The following DYNC1I1 variants were observed in gnomAD, a reference collection of about 807,000 sequenced individuals.
The protein encoded by DYNC1I1 is cytoplasmic dynein 1 intermediate chain 1.
Under a neutral mutation model 86.6 loss-of-function variants are expected in DYNC1I1, and 43 were observed. That is an observed-to-expected ratio of 0.50 (90% CI 0.39 to 0.64). The LOEUF (loss-of-function observed/expected upper bound fraction) is 0.64, where lower values mean the gene tolerates loss of function less well. Ranked by LOEUF, DYNC1I1 falls within the 30% of genes least tolerant of loss-of-function variation. The pLI is 0.00. For missense variants in DYNC1I1, 604 were observed against 788.8 expected, an observed-to-expected ratio of 0.77 and a Z score of 2.81; for synonymous variants, 262 against 283.7, an observed-to-expected ratio of 0.92 and a Z score of 0.77.
At chr7:96,080,841 G>A (rs1295183646) in intron 16 of DYNC1I1, among the ~76,000 whole-genome samples, 1 of 152,110 alleles carries the variant, frequency 6.6e-6, no homozygotes, top group Non-Finnish European at 1.5e-5. Context: ...GGAGGCCGTG[G>A]CAGGTGGATC....
chr7:95,905,217 C>A (rs1791143346), intron 6 of DYNC1I1, among the ~76,000 whole-genome samples: 1 of 141,368 alleles, frequency 7.1e-6, no homozygotes, highest in Non-Finnish European at 1.6e-5. Context: ...AGACAAGGTG[C>A]ATTTTGGCTT....
At chr7:96,050,085 A>C (rs1420492474) in intron 14 of DYNC1I1, among the ~76,000 whole-genome samples, 1 of 152,096 alleles carries the variant, frequency 6.6e-6, no homozygotes, top group African/African-American at 2.4e-5. Flanking sequence ...AAAAGATCAA[A>C]AGCAAACAAT....
At chr7:96,088,814 A>T (rs1790757828) in intron 16 of DYNC1I1, among the ~76,000 whole-genome samples, 1 of 152,182 alleles carries the variant, frequency 6.6e-6, no homozygotes, top group Non-Finnish European at 1.5e-5. Flanking sequence ...GAAGTGAATG[A>T]ATCATTATAT....
At chr7:96,102,667 G>A (rs149754090), downstream of DYNC1I1, among the ~76,000 whole-genome samples, 9 of 152,306 alleles carry the variant, frequency 5.9e-5, no homozygotes, top group African/African-American at 1.9e-4. Context: ...AGGTCAAACT[G>A]TAGTGCTAAG....
At chr7:95,950,901 T>C (rs911935177) in intron 6 of DYNC1I1, among the ~76,000 whole-genome samples, 1 of 152,210 alleles carries the variant, frequency 6.6e-6, no homozygotes, top group African/African-American at 2.4e-5. Context: ...CATTAGGGTA[T>C]GTGAGCAATT....
intron 16 of DYNC1I1, among the ~76,000 whole-genome samples, chr7:96,104,903 TA>T (rs1217155486): frequency 2.0e-5 from 3 of 152,174 alleles, no homozygotes; most frequent in Non-Finnish European, 4.4e-5. Context: ...GGAATTCTTT[TA>T]AAAAAACATA....
intron 7 of DYNC1I1, among the ~76,000 whole-genome samples, chr7:95,983,682 A>G: frequency 6.6e-6 from 1 of 152,168 alleles, no homozygotes; most frequent in East Asian, 1.9e-4. Flanking sequence ...GATAGTACCT[A>G]AAAGATTCTT....
rs887408012 is a variant in DYNC1I1, at chr7:95,922,779, C to T, written c.490+52781C>T. Among the ~76,000 whole-genome samples, 12 of 152,084 alleles carry T rather than the reference C, an allele frequency of 7.9e-5. No homozygotes were observed. The South Asian group carries it at 8.3e-4, about 11-fold the overall frequency. On this transcript the variant is annotated intron_variant, in intron 6 of 16. Transcript: ENST00000447467. Reference sequence around the variant, plus strand: ...AGGTTTTGAAAAAACTACTTAAATACTTTTAAAAGGTAGAACTATTTAATT... The same window carrying T: ...AGGTTTTGAAAAAACTACTTAAATATTTTTAAAAGGTAGAACTATTTAATT...
rs55666459 is a variant in DYNC1I1 at position 95,785,775 on chromosome 7, G to GTATGTATATA, written c.-10+13005_-10+13006insGTATATATAT. ...TGTATGTATATATATGTGTGTATGT[G>GTATGTATATA]TATATATATATATATATATATATAT... On this transcript the variant is annotated intron_variant, in intron 1 of 16. Coordinates refer to ENST00000447467, the MANE Select transcript of DYNC1I1 (RefSeq NM_001135556.2). Among the ~76,000 whole-genome samples the GTATGTATATA allele has an allele frequency of 4.3e-3, 539 of 124,512 alleles. 3 individuals carry two copies. The highest frequency in any genetic ancestry group is 6.5e-3 in the East Asian group (25 of 3,832). The allele number at this position is 124,512 out of a possible 152,430, so 81.7% of individuals were successfully genotyped here.
chr7:96,088,946 G>A lies in DYNC1I1; in HGVS notation c.1776+8458G>A, dbSNP rs1394416303. Among the ~76,000 whole-genome samples the A allele has an allele frequency of 2.0e-5, 3 of 152,060 alleles. No individual in the cohort carries two copies. The East Asian group carries it at 5.8e-4, about 29-fold the overall frequency. On this transcript the variant is annotated intron_variant, in intron 16 of 16. Transcript: ENST00000447467. ...TATCCAAACTGCTAACATTGTAAAA[G>A]CAATTTCATACTTTTAACCTAGTAG... is the stretch of plus-strand genomic sequence containing the variant.
intron 6 of DYNC1I1, among the ~76,000 whole-genome samples, chr7:95,945,428 T>G (rs1792371870): frequency 2.0e-5 from 3 of 152,196 alleles, no homozygotes; most frequent in Admixed American, 1.3e-4. Context: ...TCCTTCAGTT[T>G]AAATTTATAT....
chr7:96,109,761 T>G (rs773076235), intron 16 of DYNC1I1, among the ~76,000 whole-genome samples: 25 of 152,192 alleles, frequency 1.6e-4, no homozygotes, highest in Non-Finnish European at 2.9e-4. Flanking sequence ...ATGTATATAA[T>G]TCCAATCTTT....
chr7:96,029,438 A>G (rs544871052), intron 11 of DYNC1I1, among the ~76,000 whole-genome samples: 101 of 152,310 alleles, frequency 6.6e-4, no homozygotes, highest in African/African-American at 2.3e-3. Context: ...ATTTCTGAAC[A>G]TACCTTCTGA....
chr7:95,870,900 A>G (rs1790145647), intron 6 of DYNC1I1, among the ~76,000 whole-genome samples: 1 of 152,210 alleles, frequency 6.6e-6, no homozygotes, highest in African/African-American at 2.4e-5. Flanking sequence ...AGCAAAGCAA[A>G]TACTCTTTTT....
intron 6 of DYNC1I1, among the ~76,000 whole-genome samples, chr7:95,909,561 A>C (rs988720665): frequency 6.6e-6 from 1 of 152,140 alleles, no homozygotes; most frequent in Admixed American, 6.6e-5. Context: ...AGGAAGGAGG[A>C]AGAGAAGGAC....
intron 14 of DYNC1I1, among the ~76,000 whole-genome samples, chr7:96,063,183 G>A (rs540751706): frequency 1.3e-5 from 2 of 151,566 alleles, no homozygotes; most frequent in South Asian, 2.1e-4. Context: ...CAATGGAGGC[G>A]CAATATAGCT....
intron 1 of DYNC1I1, among the ~76,000 whole-genome samples, chr7:95,788,170 A>C (rs1277665662): frequency 6.6e-6 from 1 of 152,184 alleles, no homozygotes; most frequent in East Asian, 1.9e-4. Context: ...ATGCATTACT[A>C]TAGCAGCTGT....
At chr7:96,039,580 G>T (rs1054958766) in intron 14 of DYNC1I1, among the ~76,000 whole-genome samples, 159 bp downstream of exon 14, 1 of 152,174 alleles carries the variant, frequency 6.6e-6, no homozygotes, top group Non-Finnish European at 1.5e-5. Flanking sequence ...AGCTAGTTAA[G>T]TCCATTTTAT....
chr7:95,937,901 A>G (rs544338805), intron 6 of DYNC1I1, among the ~76,000 whole-genome samples: 1 of 152,206 alleles, frequency 6.6e-6, no homozygotes, highest in South Asian at 2.1e-4. Flanking sequence ...TTTGCCATGT[A>G]TGTATAATAT....
Sources: gnomAD v4.1 joint callset for allele counts (sites outside exome capture counted in the v4.1 genomes callset) on GRCh38, gnomAD v4.1.1 for gene constraint, MANE v1.5 for transcripts, NCBI Gene and HGNC (gene_info 2026-07-23, HGNC 2026-07-21) for gene names.